NARS2: variants seen among roughly 807,000 people sequenced by gnomAD.
NARS2 encodes asparaginyl-tRNA synthetase 2, mitochondrial.
NARS2 carries 60 observed loss-of-function variants against 62.9 expected under a neutral mutation model. The ratio of observed to expected loss-of-function variants is 0.95; its 90% CI spans 0.77 to 1.18. The LOEUF is 1.18. Among genes scored for constraint, NARS2 ranks in the 50% most tolerant of loss-of-function variants. The probability of loss-of-function intolerance (pLI) is 0.00; values close to 1 mark genes in which losing one functional copy is unlikely to be tolerated. For missense variants in NARS2, 619 were observed against 576.4 expected, an observed-to-expected ratio of 1.07 and a Z score of -0.76; for synonymous variants, 196 against 200.0, an observed-to-expected ratio of 0.98 and a Z score of 0.17.
chr11:78,440,238 AT>A (rs1857535103), intron 13 of NARS2, among the ~76,000 whole-genome samples: 1 of 151,876 alleles, frequency 6.6e-6, no homozygotes, highest in African/African-American at 2.4e-5. Flanking sequence ...TAGTATTTGT[AT>A]TTTTAGTAGA....
chr11:78,552,189 T>A (rs1856150390), intron 5 of NARS2, among the ~76,000 whole-genome samples: 1 of 152,172 alleles, frequency 6.6e-6, no homozygotes, highest in African/African-American at 2.4e-5. Context: ...TGTTTCTTTC[T>A]TTGTGTTCAT....
chr11:78,572,711 T>C lies in NARS2; in HGVS notation c.142-1267A>G, dbSNP rs116992139. On this transcript the variant is annotated intron_variant, in intron 1 of 13. Coordinates refer to ENST00000281038, the MANE Select transcript of NARS2 (RefSeq NM_024678.6). ...GCAGGGCTGTCCAACAGAAACATAATGTGAGTCACATGTTTAATTTAAAAT... is the reference window on the plus strand; with the variant it reads ...GCAGGGCTGTCCAACAGAAACATAACGTGAGTCACATGTTTAATTTAAAAT... 8.5e-3 allele frequency among the ~76,000 whole-genome samples: 1,289 copies of C among 152,344 alleles called. 9 individuals are homozygous for C. Among genetic ancestry groups the C allele is most frequent in the Non-Finnish European group, 0.014 (966 of 68,038 alleles).
At chr11:78,460,090 CAGA>C (rs1279398856) in intron 11 of NARS2, among the ~76,000 whole-genome samples, 2 of 152,204 alleles carry the variant, frequency 1.3e-5, no homozygotes, top group East Asian at 3.9e-4. Context: ...TCTGAAGACA[CAGA>C]AGAAGGGTGG....
chr11:78,505,454 GTTT>G (rs969856149), intron 6 of NARS2, among the ~76,000 whole-genome samples: 1 of 145,280 alleles, frequency 6.9e-6, no homozygotes, highest in Admixed American at 6.9e-5. Context: ...TTCTGATGGA[GTTT>G]TTTTTTTTTA....
chr11:78,534,537 GATA>G (rs539577120), intron 5 of NARS2, among the ~76,000 whole-genome samples: 44 of 152,300 alleles, frequency 2.9e-4, no homozygotes, highest in African/African-American at 9.1e-4. Flanking sequence ...CTGACTGACT[GATA>G]ATGAGTGAAT....
intron 6 of NARS2, among the ~76,000 whole-genome samples, chr11:78,511,224 T>C (rs1170312201): frequency 6.6e-6 from 1 of 152,180 alleles, no homozygotes; most frequent in Non-Finnish European, 1.5e-5. Flanking sequence ...ACTACAGGCA[T>C]GTGCCACCAC....
chr11:78,506,898 C>T (rs967840649), intron 6 of NARS2, among the ~76,000 whole-genome samples: 5 of 152,148 alleles, frequency 3.3e-5, no homozygotes, highest in Non-Finnish European at 7.3e-5. Context: ...CAGAGAAAGG[C>T]TTATACAGTA....
intron 7 of NARS2, among the ~76,000 whole-genome samples, chr11:78,489,959 G>A (rs1859745130): frequency 6.6e-6 from 1 of 152,016 alleles, no homozygotes; most frequent in South Asian, 2.1e-4. Context: ...GATCACTTGA[G>A]CCCCAGGAGT....
At chr11:78,480,550 C>T (rs1859305362) in intron 7 of NARS2, among the ~76,000 whole-genome samples, 1 of 151,514 alleles carries the variant, frequency 6.6e-6, no homozygotes, top group African/African-American at 2.4e-5. Flanking sequence ...CCACTGCGCC[C>T]AGCCTATTTT....
chr11:78,441,044 G>C, intron 13 of NARS2, 47 bp downstream of exon 13: 1 of 1,578,386 alleles, frequency 6.3e-7, no homozygotes, highest in Non-Finnish European at 8.7e-7. Context: ...CTAGGCAACA[G>C]TCAGACAAGC....
intron 5 of NARS2, among the ~76,000 whole-genome samples, chr11:78,535,269 A>G (rs958017822): frequency 1.3e-5 from 2 of 152,190 alleles, no homozygotes; most frequent in Non-Finnish European, 2.9e-5. Flanking sequence ...CCAGCACCTA[A>G]GTCGTCACTT....
chr11:78,474,620 C>G (rs1361748034), intron 9 of NARS2, among the ~76,000 whole-genome samples: 1 of 152,136 alleles, frequency 6.6e-6, no homozygotes, highest in African/African-American at 2.4e-5. Context: ...GCCACAGTTA[C>G]TCAAGTCACT....
At chr11:78,496,612 T>A (rs1860068905) in intron 6 of NARS2, among the ~76,000 whole-genome samples, 1 of 151,904 alleles carries the variant, frequency 6.6e-6, no homozygotes, top group Non-Finnish European at 1.5e-5. Flanking sequence ...GAAAGAAAAA[T>A]TTTTAGTATA....
intron 11 of NARS2, among the ~76,000 whole-genome samples, chr11:78,462,582 T>C (rs572712136): frequency 2.0e-5 from 3 of 152,350 alleles, no homozygotes; most frequent in African/African-American, 4.8e-5. Flanking sequence ...AAATACACTT[T>C]AAAGCTAAAG....
At chr11:78,482,496 C>T (rs903437965) in intron 7 of NARS2, among the ~76,000 whole-genome samples, 1 of 151,652 alleles carries the variant, frequency 6.6e-6, no homozygotes, top group African/African-American at 2.4e-5. Context: ...AGGCCGCTAG[C>T]TAGACTAATA....
At chr11:78,492,961 C>A (rs1403549976) in intron 7 of NARS2, 102 bp downstream of exon 7, 8 of 1,028,276 alleles carry the variant, frequency 7.8e-6, no homozygotes, top group Admixed American at 4.7e-5. Context: ...CCCTTCTTTT[C>A]ACTTTATGAA....
intron 5 of NARS2, among the ~76,000 whole-genome samples, chr11:78,548,297 T>C (rs1219815280): frequency 1.3e-5 from 2 of 152,134 alleles, no homozygotes; most frequent in Non-Finnish European, 2.9e-5. Context: ...TAATATTAGC[T>C]AGAAAAAAGT....
At chr11:78,497,509 A>G (rs1266500717) in intron 6 of NARS2, among the ~76,000 whole-genome samples, 1 of 152,186 alleles carries the variant, frequency 6.6e-6, no homozygotes, top group African/African-American at 2.4e-5. Context: ...CCCAACCTCC[A>G]TATCACTTCT....
In NARS2 at chr11:78,543,660, A is replaced by G. The variant is rs138195454; in HGVS notation, c.595-14724T>C. Among the ~76,000 whole-genome samples, 766 of 152,330 alleles carry G rather than the reference A, an allele frequency of 5.0e-3. 4 individuals are homozygous for G. The highest frequency in any genetic ancestry group is 0.018 in the African/African-American group (743 of 41,568). On this transcript the variant is annotated intron_variant, in intron 5 of 13. Transcript: ENST00000281038. ...CATAATCACTTCTGGGAAAATACAC[A>G]GCAGGAATAGATACAACAAAAACAA...
Sources: gnomAD v4.1 joint callset for allele counts (sites outside exome capture counted in the v4.1 genomes callset) on GRCh38, gnomAD v4.1.1 for gene constraint, MANE v1.5 for transcripts, NCBI Gene and HGNC (gene_info 2026-07-23, HGNC 2026-07-21) for gene names.